The following SERPINI2 variants were observed in gnomAD, a reference collection of about 807,000 sequenced individuals.
SERPINI2 encodes the protein serpin I2.
SERPINI2 carries 48 observed loss-of-function variants against 47.3 expected under a neutral mutation model. That is an observed-to-expected ratio of 1.02 (90% CI 0.81 to 1.29). The LOEUF is 1.29. Ranked by LOEUF, SERPINI2 falls within the 50% of genes most tolerant of loss-of-function variation. SERPINI2 has a pLI of 0.00. For synonymous variants in SERPINI2, 135 were observed against 149.3 expected, an observed-to-expected ratio of 0.90 and a Z score of 0.70; for missense variants, 448 against 456.9, an observed-to-expected ratio of 0.98 and a Z score of 0.18.
intron 5 of SERPINI2, among the ~76,000 whole-genome samples, chr3:167,463,260 A>T (rs1269510268): frequency 6.6e-6 from 1 of 152,132 alleles, no homozygotes; most frequent in Admixed American, 6.6e-5. Context: ...TGTCATACAC[A>T]CCATTATACC....
rs76625748 is a variant in SERPINI2 at position 167,450,268 on chromosome 3, C to T, written c.965-866G>A. On this transcript the variant is annotated intron_variant, in intron 6 of 8. Transcript: ENST00000264677. ...CCTGTTAAAATTTTCAGCATAAGAT[C>T]GTGCTTTACAACGTTTTGTTCTGGT... Among the ~76,000 whole-genome samples the T allele has an allele frequency of 6.2e-4, 94 of 152,296 alleles. 2 individuals are homozygous for T. Among genetic ancestry groups the T allele is most frequent in the Admixed American group, 5.3e-3 (81 of 15,298 alleles).
In SERPINI2 at chr3:167,450,400, A is replaced by T. The variant is rs368947718; in HGVS notation, c.965-998T>A. 8.5e-5 allele frequency among the ~76,000 whole-genome samples: 13 copies of T among 152,322 alleles called. No individual in the cohort carries two copies. The South Asian group carries it at 2.1e-3, about 24-fold the overall frequency. ...AATTGCAAGTATAGTCTCCTCAAGA[A>T]GGAAGAAGTGAAACCCGGAGCCCAG... is the stretch of plus-strand genomic sequence containing the variant. On this transcript the variant is annotated intron_variant, in intron 6 of 8. Coordinates refer to ENST00000264677, the Ensembl canonical transcript of SERPINI2.
chr3:167,469,633 T>C (rs1390040381), intron 2 of SERPINI2: 1 of 152,112 alleles, frequency 6.6e-6, no homozygotes, highest in Non-Finnish European at 1.5e-5. Context: ...TCATCAGCAT[T>C]ATCAGAGGTA....
At chr3:167,468,226 A>G (rs576364595) in intron 2 of SERPINI2, among the ~76,000 whole-genome samples, 1 of 152,220 alleles carries the variant, frequency 6.6e-6, no homozygotes, top group South Asian at 2.1e-4. Context: ...CCTAAAATTG[A>G]TATATTCAAT....
chr3:167,466,175 T>C (rs960639150), intron 3 of SERPINI2, among the ~76,000 whole-genome samples: 4 of 152,142 alleles, frequency 2.6e-5, no homozygotes, highest in Admixed American at 6.5e-5. Flanking sequence ...CCTATTTCTA[T>C]GTCCAGTGAG....
At chr3:167,446,627 G>A in intron 7 of SERPINI2, 146 bp from the exon 8 acceptor site, 3 of 469,038 alleles carry the variant, frequency 6.4e-6, no homozygotes, top group South Asian at 7.7e-5. Context: ...TAAATACAGA[G>A]GAATTTGCAA....
At chr3:167,476,247 T>C (rs1323377054), upstream of SERPINI2, among the ~76,000 whole-genome samples, 4 of 151,898 alleles carry the variant, frequency 2.6e-5, no homozygotes, top group Admixed American at 1.3e-4. Flanking sequence ...TGTTAAGAGT[T>C]GACAGGTGAG....
intron 2 of SERPINI2, among the ~76,000 whole-genome samples, chr3:167,468,170 C>A (rs1007903121): frequency 2.2e-4 from 33 of 151,954 alleles, no homozygotes; most frequent in Admixed American, 2.1e-3. Context: ...TCTTTCTGGG[C>A]CTTCATTATA....
At chr3:167,464,322 CT>C (rs770785274) in intron 5 of SERPINI2, among the ~76,000 whole-genome samples, 41 of 152,148 alleles carry the variant, frequency 2.7e-4, no homozygotes, top group Non-Finnish European at 2.9e-4. Context: ...CCAGGAGTGG[CT>C]TGTTGAGTGG....
At chr3:167,476,597 A>G (rs1211772860), upstream of SERPINI2, among the ~76,000 whole-genome samples, 1 of 152,056 alleles carries the variant, frequency 6.6e-6, no homozygotes, top group East Asian at 1.9e-4. Context: ...AGTTATCTTC[A>G]AGGGTAAACA....
chr3:167,466,119 G>T (rs1750127676), intron 3 of SERPINI2, among the ~76,000 whole-genome samples: 1 of 152,196 alleles, frequency 6.6e-6, no homozygotes, highest in Non-Finnish European at 1.5e-5. Flanking sequence ...AAAGGGAAAA[G>T]AATGGAGGAT....
chr3:167,455,097 G>A (rs1412417567), intron 5 of SERPINI2, among the ~76,000 whole-genome samples: 2 of 152,142 alleles, frequency 1.3e-5, no homozygotes, highest in African/African-American at 4.8e-5. Flanking sequence ...CAAAGTTTAT[G>A]AGTCTTCATA....
chr3:167,450,098 GC>G, intron 6 of SERPINI2, among the ~76,000 whole-genome samples: 1 of 152,168 alleles, frequency 6.6e-6, no homozygotes. Flanking sequence ...TAACCTCAAA[GC>G]CAAAGTGCCT....
Position 167,467,296 on chromosome 3 carries a change from A to C in SERPINI2, c.248-11T>G, listed in dbSNP as rs768788497. On this transcript the variant is annotated splice_polypyrimidine_tract_variant and intron_variant, in intron 2 of 8. Transcript: ENST00000264677. ...CAAAAAATTCTTCCCCTAGAAAATA[A>C]TTTTAATGTATATTGGCATATTGAA... The C allele has an allele frequency of 6.4e-7, 1 of 1,566,438 alleles. No homozygotes were observed. The highest frequency in any genetic ancestry group is 8.8e-7 in the Non-Finnish European group (1 of 1,142,316).
At chr3:167,463,141 T>A (rs984687995) in intron 5 of SERPINI2, among the ~76,000 whole-genome samples, 1 of 152,150 alleles carries the variant, frequency 6.6e-6, no homozygotes, top group Non-Finnish European at 1.5e-5. Flanking sequence ...CAGTAATTTT[T>A]TTTTTTTGTC....
intron 7 of SERPINI2, 119 bp from the exon 8 acceptor site, chr3:167,446,600 G>A: frequency 1.7e-6 from 1 of 576,778 alleles, no homozygotes; most frequent in Non-Finnish European, 2.9e-6. Flanking sequence ...TTAACATGTG[G>A]AAAAATAACC....
At chr3:167,452,833 A>G in intron 6 of SERPINI2, 103 bp downstream of exon 6, 1 of 644,170 alleles carries the variant, frequency 1.6e-6, no homozygotes, top group South Asian at 2.3e-5. Flanking sequence ...CTGTGCGTAT[A>G]TTTATCAGAG....
At chr3:167,453,110 T>G in intron 5 of SERPINI2, 77 bp from the exon 6 acceptor site, 1 of 717,152 alleles carries the variant, frequency 1.4e-6, no homozygotes, top group Non-Finnish European at 2.4e-6. Flanking sequence ...AATGGATGAC[T>G]TAGAGGATAA....
intron 1 of SERPINI2, 23 bp downstream of exon 1, chr3:167,473,980 C>A: frequency 8.6e-7 from 1 of 1,162,842 alleles, no homozygotes; most frequent in Non-Finnish European, 1.1e-6. Flanking sequence ...TATTCAAAAG[C>A]TATTTATTTC....
Sources: gnomAD v4.1 joint callset for allele counts (sites outside exome capture counted in the v4.1 genomes callset) on GRCh38, gnomAD v4.1.1 for gene constraint, MANE v1.5 for transcripts, NCBI Gene and HGNC (gene_info 2026-07-23, HGNC 2026-07-21) for gene names.